DIP2C: variants seen among roughly 807,000 people sequenced by gnomAD.
The protein encoded by DIP2C is disco-interacting protein 2 homolog C.
A neutral mutation model predicts 192.4 loss-of-function variants in DIP2C; 33 were observed. The ratio of observed to expected loss-of-function variants is 0.17; its 90% CI spans 0.13 to 0.23. The LOEUF is 0.23. DIP2C is among the 10% of genes least tolerant of loss of function. The pLI is 1.00. For synonymous variants in DIP2C, 979 were observed against 864.1 expected, an observed-to-expected ratio of 1.13 and a Z score of -2.33; for missense variants, 1,537 against 2,110.1, an observed-to-expected ratio of 0.73 and a Z score of 5.32.
At chr10:374,394 T>C (rs898138174) in intron 17 of DIP2C, among the ~76,000 whole-genome samples, 3 of 152,212 alleles carry the variant, frequency 2.0e-5, no homozygotes, top group African/African-American at 7.2e-5. Flanking sequence ...CACCTCACAC[T>C]GGCTGTATTG....
intron 3 of DIP2C, among the ~76,000 whole-genome samples, chr10:463,975 A>G (rs1308240610): frequency 6.6e-6 from 1 of 152,224 alleles, no homozygotes; most frequent in African/African-American, 2.4e-5. Flanking sequence ...CCTTCTGTAC[A>G]CCTTATACAA....
At chr10:506,366 C>CA (rs1179294776) in intron 1 of DIP2C, among the ~76,000 whole-genome samples, 2 of 152,248 alleles carry the variant, frequency 1.3e-5, no homozygotes, top group East Asian at 3.9e-4. Flanking sequence ...GGGACAGCAG[C>CA]AGCAAGGGGG....
intron 1 of DIP2C, among the ~76,000 whole-genome samples, chr10:580,330 C>T (rs533778635): frequency 6.6e-6 from 1 of 152,252 alleles, no homozygotes; most frequent in Admixed American, 6.5e-5. Context: ...CAAGTTTATT[C>T]AGTGTGCGTA....
At chr10:454,206 A>G (rs1367581735) in intron 3 of DIP2C, among the ~76,000 whole-genome samples, 1 of 152,190 alleles carries the variant, frequency 6.6e-6, no homozygotes, top group Non-Finnish European at 1.5e-5. Flanking sequence ...GCACCCATCT[A>G]TTAAGAGAAG....
intron 25 of DIP2C, 31 bp downstream of exon 25, chr10:349,300 C>CT: frequency 6.3e-7 from 1 of 1,588,818 alleles, no homozygotes; most frequent in Non-Finnish European, 8.6e-7. Flanking sequence ...GGCTTGCCAT[C>CT]TCTCAGGGGA....
intron 1 of DIP2C, among the ~76,000 whole-genome samples, chr10:632,810 G>A (rs1376809881): frequency 1.1e-5 from 1 of 93,060 alleles, no homozygotes; most frequent in Admixed American, 1.1e-4. Context: ...TGGAGACCAC[G>A]CGGGCACCGG....
At chr10:553,862 C>A (rs895288443) in intron 1 of DIP2C, among the ~76,000 whole-genome samples, 3 of 148,816 alleles carry the variant, frequency 2.0e-5, no homozygotes, top group Admixed American at 6.7e-5. Flanking sequence ...ACGCTTGTAA[C>A]TAACAGTGAA....
In DIP2C at chr10:685,159, A is replaced by T. The variant is rs1386674899; in HGVS notation, c.85+4335T>A. Among the ~76,000 whole-genome samples, 253 of 29,250 alleles carry T rather than the reference A, an allele frequency of 8.6e-3. 1 individual carries two copies. The highest frequency in any genetic ancestry group is 0.024 in the African/African-American group (222 of 9,414). The allele number at this position is 29,250 out of a possible 152,430, so 19.2% of individuals were successfully genotyped here. A position where few individuals can be genotyped will look rare whatever the true frequency, so the allele number is the denominator to read the frequency against. ...CCAAAAAAAAAAAAAAAAAAAAAAA[A>T]AAATATATATATATATATATATATA... On this transcript the variant is annotated intron_variant, in intron 1 of 36. Transcript: ENST00000280886.
intron 2 of DIP2C, among the ~76,000 whole-genome samples, chr10:481,375 T>A (rs1235531901): frequency 6.6e-6 from 1 of 152,164 alleles, no homozygotes; most frequent in Admixed American, 6.5e-5. Flanking sequence ...AGTGGGAGAA[T>A]CTGCAACGGG....
intron 4 of DIP2C, among the ~76,000 whole-genome samples, chr10:433,845 T>C (rs1039317684): frequency 6.6e-6 from 1 of 152,200 alleles, no homozygotes; most frequent in Non-Finnish European, 1.5e-5. Flanking sequence ...GATATACAGT[T>C]GAATTAATAT....
intron 1 of DIP2C, among the ~76,000 whole-genome samples, chr10:539,261 C>A (rs1847851365): frequency 6.6e-6 from 1 of 152,320 alleles, no homozygotes; most frequent in Middle Eastern, 3.4e-3. Context: ...AGTTTGTACT[C>A]TATCCTGGGG....
chr10:580,002 G>C (rs999884410), intron 1 of DIP2C, among the ~76,000 whole-genome samples: 1 of 151,942 alleles, frequency 6.6e-6, no homozygotes, highest in African/African-American at 2.4e-5. Flanking sequence ...ACTATAACAT[G>C]TATGTACATG....
At chr10:475,701 A>G (rs1971003736) in intron 2 of DIP2C, among the ~76,000 whole-genome samples, 1 of 152,250 alleles carries the variant, frequency 6.6e-6, no homozygotes, top group Admixed American at 6.5e-5. Context: ...ATAAGACGGC[A>G]AAAGAAACGA....
intron 1 of DIP2C, among the ~76,000 whole-genome samples, chr10:530,957 C>G (rs1360172905): frequency 1.3e-5 from 2 of 152,172 alleles, no homozygotes; most frequent in Non-Finnish European, 2.9e-5. Flanking sequence ...TGCCGGCCGA[C>G]CAGACACCCC....
At chr10:376,495 G>A (rs943601519) in intron 17 of DIP2C, among the ~76,000 whole-genome samples, 7 of 146,670 alleles carry the variant, frequency 4.8e-5, no homozygotes, top group African/African-American at 1.7e-4. Flanking sequence ...GCCTGTTTGA[G>A]AGTGGGGTTG....
chr10:568,157 A>G (rs1331353357), intron 1 of DIP2C, among the ~76,000 whole-genome samples: 1 of 152,148 alleles, frequency 6.6e-6, no homozygotes, highest in East Asian at 1.9e-4. Context: ...CCAAGCCCCC[A>G]AAAGGGAGGA....
At chr10:558,642 T>C (rs1251409759) in intron 1 of DIP2C, among the ~76,000 whole-genome samples, 1 of 152,120 alleles carries the variant, frequency 6.6e-6, no homozygotes, top group East Asian at 1.9e-4. Flanking sequence ...AATCTAAGCC[T>C]GAAAGTGTGT....
chr10:280,557 C>T (rs1448498417), intron 36 of DIP2C, among the ~76,000 whole-genome samples: 4 of 152,246 alleles, frequency 2.6e-5, no homozygotes, highest in Non-Finnish European at 5.9e-5. Context: ...ACTCCCACAC[C>T]TCAGAAGAAC....
intron 1 of DIP2C, among the ~76,000 whole-genome samples, chr10:575,445 C>T (rs1317610469): frequency 6.6e-6 from 1 of 152,112 alleles, no homozygotes; most frequent in Non-Finnish European, 1.5e-5. Context: ...GTGCTGAGGC[C>T]GTCCTAGGAC....
Sources: gnomAD v4.1 joint callset for allele counts (sites outside exome capture counted in the v4.1 genomes callset) on GRCh38, gnomAD v4.1.1 for gene constraint, MANE v1.5 for transcripts, NCBI Gene and HGNC (gene_info 2026-07-23, HGNC 2026-07-21) for gene names.